The following HERC2 variants were observed in gnomAD, a reference collection of about 807,000 sequenced individuals.
The protein encoded by HERC2 is HECT and RLD domain containing E3 ubiquitin protein ligase 2, also known as E3 ubiquitin-protein ligase HERC2.
A neutral mutation model predicts 537.7 loss-of-function variants in HERC2; 102 were observed. The ratio of observed to expected loss-of-function variants is 0.19; its 90% confidence interval spans 0.16 to 0.22. HERC2 has a LOEUF of 0.22. Among genes scored for constraint, HERC2 ranks in the 10% least tolerant of loss-of-function variants. HERC2 has a pLI of 1.00. For synonymous variants in HERC2, 2,224 were observed against 2,466.2 expected (o/e 0.90, Z 2.91); for missense variants, 4,236 against 6,198.2 (o/e 0.68, Z 10.63).
chr15:28,233,397 T>C, intron 29 of HERC2, 37 bp downstream of exon 29: 1 of 1,279,198 alleles, frequency 7.8e-7, no homozygotes, highest in Non-Finnish European at 1.1e-6. Context: ...AGCAACTGTC[T>C]GCAAAGCACA....
intron 5 of HERC2, among the ~76,000 whole-genome samples, 183 bp from the exon 6 acceptor site, chr15:28,275,188 G>T (rs2075838771): frequency 6.6e-6 from 1 of 152,230 alleles, no homozygotes; most frequent in Non-Finnish European, 1.5e-5. Context: ...CTTTTGTAAA[G>T]GAAAAGTTTT....
rs377463561 is a variant in HERC2 at position 28,281,069 on chromosome 15, C to T, written c.323-782G>A. On this transcript the variant is annotated intron_variant, in intron 4 of 92. Coordinates refer to ENST00000261609, the MANE Select transcript of HERC2 (RefSeq NM_004667.6). ...TGTCTTGATAAAATTACCCAGCATG[C>T]ATGACTCATGAAGCACATTTATGGA... Among the ~76,000 whole-genome samples, 24 of 152,222 alleles carry T rather than the reference C, an allele frequency of 1.6e-4. 1 individual carries two copies. Among genetic ancestry groups the T allele is most frequent in the Middle Eastern group, 3.4e-3 (1 of 294 alleles).
chr15:28,195,551 A>C (rs1259956764), intron 52 of HERC2, among the ~76,000 whole-genome samples: 3 of 152,216 alleles, frequency 2.0e-5, no homozygotes, highest in Admixed American at 6.5e-5. Flanking sequence ...ATACGGATGA[A>C]GCTTAAATAC....
chr15:28,132,162 C>A lies in HERC2; in HGVS notation c.12508G>T (p.Gly4170Trp). 1 of 1,613,898 alleles carries A rather than the reference C, an allele frequency of 6.2e-7. No homozygotes were observed. Among genetic ancestry groups the A allele is most frequent in the Non-Finnish European group, 8.5e-7 (1 of 1,179,846 alleles). Residue 4170 changes from glycine to tryptophan, a missense_variant, in exon 81 of 93, where the codon GGG becomes TGG. Around this residue, in one of 27 missense-constraint regions of HERC2, gnomAD observed 94 missense variants for 137.4 expected, o/e 0.68. Coordinates refer to ENST00000261609, the MANE Select transcript of HERC2 (RefSeq NM_004667.6). Reference protein sequence around the residue: ...LTDDDTVWSWGDGDYGKLGRG... With the variant: ...LTDDDTVWSWWDGDYGKLGRG... Reference sequence around the variant, plus strand: ...CCGAGCTTGCCGTAGTCCCCGTCCCCCCAGGACCAGACAGTGTCGTCATCT... The same window carrying A: ...CCGAGCTTGCCGTAGTCCCCGTCCCACCAGGACCAGACAGTGTCGTCATCT...
intron 44 of HERC2, among the ~76,000 whole-genome samples, chr15:28,207,323 T>C (rs918689019): frequency 4.6e-5 from 7 of 151,986 alleles, no homozygotes; most frequent in Non-Finnish European, 1.0e-4. Context: ...TTAGTATAGA[T>C]GGGGGTTTCA....
Position 28,265,989 on chromosome 15 carries a change from G to C in HERC2, c.1599-15C>G, listed in dbSNP as rs758363700. 1.3e-5 allele frequency: 21 copies of C among 1,612,060 alleles called. No individual in the cohort carries two copies. In the South Asian group the frequency reaches 2.0e-4, roughly 15 times the overall value. ...CCTCCAAAGGCCTTGGGGAGAAAGGGAACAAACATGAATGCCCTTCTTCTT... is the reference window on the plus strand; with the variant it reads ...CCTCCAAAGGCCTTGGGGAGAAAGGCAACAAACATGAATGCCCTTCTTCTT... On this transcript the variant is annotated splice_polypyrimidine_tract_variant and intron_variant, in intron 12 of 92. Coordinates refer to ENST00000261609, the MANE Select transcript of HERC2 (RefSeq NM_004667.6). This position sits in a 1 kb window ranked among gnomAD's most constrained non-coding sequence, Gnocchi z 4.0.
At chr15:28,260,696 G>T in intron 16 of HERC2, 81 bp downstream of exon 16, 1 of 1,128,680 alleles carries the variant, frequency 8.9e-7, no homozygotes, top group Non-Finnish European at 1.3e-6. Context: ...ACAAAACTCA[G>T]TGGTATTTTC....
chr15:28,256,916 C>A, intron 17 of HERC2, 145 bp downstream of exon 17: 1 of 738,814 alleles, frequency 1.4e-6, no homozygotes, highest in Non-Finnish European at 2.2e-6. Context: ...TTTTAAGACT[C>A]GCGTCCATTA....
chr15:28,314,706 A>G (rs1460641908), intron 2 of HERC2, among the ~76,000 whole-genome samples: 1 of 151,818 alleles, frequency 6.6e-6, no homozygotes, highest in Non-Finnish European at 1.5e-5. Context: ...AATACAAAAA[A>G]AAAAATTAGC....
intron 23 of HERC2, among the ~76,000 whole-genome samples, chr15:28,242,062 A>G (rs1218266385): frequency 6.6e-6 from 1 of 152,212 alleles, no homozygotes; most frequent in African/African-American, 2.4e-5. Flanking sequence ...AAATAAGCCA[A>G]TCCCAAAAGG....
chr15:28,273,537 A>G (rs1022130819), intron 7 of HERC2, among the ~76,000 whole-genome samples: 3 of 152,238 alleles, frequency 2.0e-5, no homozygotes, highest in East Asian at 1.9e-4. Flanking sequence ...TATGGTATCA[A>G]TATTACAGCT....
At chr15:28,230,558 T>C (rs1901720556) in intron 30 of HERC2, 58 bp from the exon 31 acceptor site, 3 of 1,087,404 alleles carry the variant, frequency 2.8e-6, no homozygotes, top group Non-Finnish European at 4.1e-6. Context: ...TAATTTTAAA[T>C]TAAGAAATAC....
At position 28,176,417 on chromosome 15, in the gene HERC2, C is replaced by G. The variant is rs778139590; in HGVS notation, c.9686+11G>C. 2.2e-5 allele frequency: 36 copies of G among 1,613,356 alleles called. No homozygotes were observed. Among genetic ancestry groups the G allele is most frequent in the Non-Finnish European group, 2.6e-5 (31 of 1,179,554 alleles). On this transcript the variant is annotated intron_variant, in intron 63 of 92. Coordinates refer to ENST00000261609, the MANE Select transcript of HERC2 (RefSeq NM_004667.6). The surrounding 1 kb of genome is among the most constrained non-coding windows in gnomAD (Gnocchi z 5.0). ...AGCACACACAGTGTGACAGGGAGGA[C>G]GTTTACGTACCATGTCCACACCACT...
chr15:28,320,723 A>G (rs1205759356), intron 2 of HERC2, among the ~76,000 whole-genome samples: 1 of 151,488 alleles, frequency 6.6e-6, no homozygotes, highest in Non-Finnish European at 1.5e-5. Flanking sequence ...GATTGGGTGT[A>G]AATAATTGTC....
intron 2 of HERC2, among the ~76,000 whole-genome samples, chr15:28,317,400 A>G (rs1285283441): frequency 6.6e-6 from 1 of 152,176 alleles, no homozygotes; most frequent in Non-Finnish European, 1.5e-5. Context: ...AAGTGACAAT[A>G]TTTATATACA....
chr15:28,257,618 C>T (rs2075300832), intron 16 of HERC2, among the ~76,000 whole-genome samples: 1 of 152,134 alleles, frequency 6.6e-6, no homozygotes, highest in Non-Finnish European at 1.5e-5. Context: ...ATGCATATGA[C>T]ACACACACAA....
At chr15:28,178,388 C>A (rs1895499900) in intron 59 of HERC2, among the ~76,000 whole-genome samples, 1 of 152,212 alleles carries the variant, frequency 6.6e-6, no homozygotes, top group Non-Finnish European at 1.5e-5. Flanking sequence ...CAGACTCTGA[C>A]CCCACCTCTG....
Position 28,113,357 on chromosome 15 carries a change from C to T in HERC2, c.14020-74G>A. Reference sequence around the variant, plus strand: ...TTTCCGCAAGACTCCGTCACGCTCCCTCTCTACACCAAGGCCTGTTTGGGG... The same window carrying T: ...TTTCCGCAAGACTCCGTCACGCTCCTTCTCTACACCAAGGCCTGTTTGGGG... On this transcript the variant is annotated intron_variant, in intron 91 of 92. Transcript: ENST00000261609. This position sits in a 1 kb window ranked among gnomAD's most constrained non-coding sequence, Gnocchi z 7.0. 1 of 1,461,216 alleles carries T rather than the reference C, an allele frequency of 6.8e-7. No individual in the cohort carries two copies. The highest frequency in any genetic ancestry group is 9.5e-7 in the Non-Finnish European group (1 of 1,052,464). The allele number at this position is 1,461,216 out of a possible 1,614,324, so 90.5% of individuals were successfully genotyped here. A position where few individuals can be genotyped will look rare whatever the true frequency, so the allele number is the denominator to read the frequency against.
chr15:28,221,999 T>C, intron 36 of HERC2, 29 bp downstream of exon 36: 3 of 1,053,204 alleles, frequency 2.8e-6, no homozygotes, highest in Non-Finnish European at 4.5e-6. Flanking sequence ...AATGTGTGGC[T>C]AATGTGTTCA....
Sources: allele counts gnomAD v4.1 joint callset (sites outside exome capture counted in the v4.1 genomes callset), GRCh38; gene constraint gnomAD v4.1.1; regional missense constraint gnomAD v4.1.1; non-coding constraint Gnocchi (gnomAD v3.1); transcripts MANE v1.5; gene names NCBI Gene and HGNC (gene_info 2026-07-23, HGNC 2026-07-21).